MCF2: variants seen among roughly 807,000 people sequenced by gnomAD.
MCF2 encodes the protein proto-oncogene DBL.
A neutral mutation model predicts 82.5 loss-of-function variants in MCF2; 44 were observed. The observed-to-expected ratio is 0.53, with a 90% CI of 0.42 to 0.69. The LOEUF (loss-of-function observed/expected upper bound fraction) is 0.69. Among genes scored for constraint, MCF2 ranks in the 30% least tolerant of loss-of-function variants. The probability of loss-of-function intolerance (pLI) is 0.00; values close to 1 mark genes in which losing one functional copy is unlikely to be tolerated. For missense variants in MCF2, 623 were observed against 663.1 expected, an observed-to-expected ratio of 0.94 and a Z score of 0.66; for synonymous variants, 217 against 224.9, an observed-to-expected ratio of 0.96 and a Z score of 0.32.
At chrX:139,592,004 T>C (rs1216523186) in intron 19 of MCF2, among the ~76,000 whole-genome samples, 1 of 111,080 alleles carries the variant, frequency 9.0e-6, no homozygotes, top group Non-Finnish European at 1.9e-5. Flanking sequence ...AATAACACAT[T>C]GACTAGGAAT....
upstream of MCF2, chrX:139,642,960 A>G (rs1221486584): frequency 1.2e-5 from 4 of 334,125 alleles, no homozygotes. Flanking sequence ...ATCTTTGTGA[A>G]GGTAGTATTA....
At chrX:139,664,644 G>A (rs1211284286) in intron 1 of MCF2, among the ~76,000 whole-genome samples, 3 of 112,608 alleles carry the variant, frequency 2.7e-5, no homozygotes, top group Non-Finnish European at 5.6e-5. Context: ...GACCGCATGA[G>A]CCCTCTTGGT....
rs765310342 is a variant in MCF2, at chrX:139,604,868, C to T, written c.1673+1G>A. 1 of 1,126,502 alleles carries T rather than the reference C, an allele frequency of 8.9e-7. No individual in the cohort carries two copies. Among genetic ancestry groups the T allele is most frequent in the African/African-American group, 1.8e-5 (1 of 55,398 alleles). The allele number at this position is 1,126,502 out of a possible 1,213,427, so 92.8% of individuals were successfully genotyped here. On this transcript the variant is annotated splice_donor_variant, in intron 14 of 24. Coordinates refer to ENST00000370576, the Ensembl canonical transcript of MCF2. LOFTEE classifies it high-confidence loss of function. ...AAATATTCAATTCAGCAATTACATA[C>T]TCGTTATGGAATTCATATATTTCTG...
intron 1 of MCF2, chrX:139,692,065 G>A (rs1319779947): frequency 1.7e-6 from 2 of 1,164,520 alleles, no homozygotes; most frequent in African/African-American, 1.8e-5. Context: ...TTCTGGGGCA[G>A]GCCTGGGATC....
chrX:139,704,632 C>T (rs776457802), intron 1 of MCF2, among the ~76,000 whole-genome samples: 31 of 111,327 alleles, frequency 2.8e-4, no homozygotes, highest in African/African-American at 1.0e-3. Context: ...CACAGTCTCA[C>T]TCACAACAGC....
chrX:139,691,853 G>T, intron 1 of MCF2: 2 of 975,476 alleles, frequency 2.1e-6, no homozygotes, highest in Non-Finnish European at 2.9e-6. Flanking sequence ...GGAGGCAGCG[G>T]CTGAGAAGAA....
chrX:139,703,442 A>G (rs1174043776), intron 1 of MCF2, among the ~76,000 whole-genome samples: 1 of 111,830 alleles, frequency 8.9e-6, no homozygotes, highest in Admixed American at 9.5e-5. Context: ...AACAGAGAAA[A>G]TAGGAAAGGA....
rs947858331 is a variant in MCF2 at position 139,656,886 on chromosome X, T to C, written c.-44-5098A>G. On this transcript the variant is annotated intron_variant, in intron 1 of 27. Coordinates refer to the MCF2 transcript ENST00000414978. ...CCTAGATCACCAAACCTGGATCAAG[T>C]CCACATTACAGCATGTTCCTTGTTG... Among the ~76,000 whole-genome samples, 4 of 112,132 alleles carry C rather than the reference T, an allele frequency of 3.6e-5. No individual in the cohort carries two copies. The Admixed American group carries it at 3.8e-4, about 11-fold the overall frequency.
intron 1 of MCF2, among the ~76,000 whole-genome samples, chrX:139,674,682 C>T (rs1024300851): frequency 3.6e-5 from 4 of 111,881 alleles, no homozygotes; most frequent in South Asian, 3.8e-4. Context: ...GAGTTTCTGC[C>T]GAGAGATCTG....
chrX:139,626,161 A>G, intron 6 of MCF2, 32 bp downstream of exon 9: 1 of 948,306 alleles, frequency 1.1e-6, no homozygotes, highest in Non-Finnish European at 1.5e-6. Flanking sequence ...GGTGTAATGA[A>G]AAAAGGTATA....
chrX:139,695,966 G>A (rs1296506596), intron 1 of MCF2, among the ~76,000 whole-genome samples: 2 of 111,888 alleles, frequency 1.8e-5, no homozygotes, highest in Non-Finnish European at 3.8e-5. Context: ...GGTTTTTCAG[G>A]TCTGAAGAAA....
In MCF2 at chrX:139,653,531, T is replaced by C. The variant is rs1420486411; in HGVS notation, c.-44-1743A>G. ...GAAACTATGTCCACTTACTCTACAA[T>C]TTAAGCACTCATGTAATGAGAGAGG... On this transcript the variant is annotated intron_variant, in intron 1 of 27. Coordinates refer to the MCF2 transcript ENST00000414978. 2.7e-5 allele frequency among the ~76,000 whole-genome samples: 3 copies of C among 110,785 alleles called. No individual in the cohort carries two copies. In the Admixed American group the frequency reaches 2.9e-4, roughly 11 times the overall value.
chrX:139,617,452 G>T, intron 8 of MCF2, 61 bp downstream of exon 11: 2 of 960,802 alleles, frequency 2.1e-6, no homozygotes, highest in Non-Finnish European at 2.8e-6. Context: ...CTTCAGGCTA[G>T]CAGGACCTGG....
rs1271529598 is a variant in MCF2 at position 139,607,870 on chromosome X, T to A, written c.1402-91A>T. On this transcript the variant is annotated intron_variant, in intron 11 of 24. Transcript: ENST00000370576. ...CAGCTCAAATTAAGTTTATTCTAGG[T>A]CCTAACTCTGAAGATAAATTGAAAA... The A allele has an allele frequency of 9.4e-6, 5 of 534,409 alleles. No homozygotes were observed. The South Asian group carries it at 1.0e-4, about 11-fold the overall frequency. The allele number at this position is 534,409 out of a possible 1,213,427, so 44.0% of individuals were successfully genotyped here.
chrX:139,626,619 T>C lies in MCF2; in HGVS notation c.572+4A>G. ...TAACTCTAAACCAAAAAGAGAGTAC[T>C]CACTTATTAATAGTTTGCCAGTCAC... On this transcript the variant is annotated splice_donor_region_variant and intron_variant, in intron 5 of 24. Transcript: ENST00000370576. The C allele has an allele frequency of 8.3e-7, 1 of 1,204,709 alleles. No individual in the cohort carries two copies. The highest frequency in any genetic ancestry group is 1.1e-6 in the Non-Finnish European group (1 of 890,850).
At chrX:139,635,136 C>T (rs1933128546) in intron 1 of MCF2, among the ~76,000 whole-genome samples, 1 of 110,561 alleles carries the variant, frequency 9.0e-6, no homozygotes, top group Non-Finnish European at 1.9e-5. Flanking sequence ...CCAAAGAAGT[C>T]CTGCCCTAGA....
At chrX:139,596,295 G>C (rs1213019879) in intron 19 of MCF2, among the ~76,000 whole-genome samples, 1 of 111,185 alleles carries the variant, frequency 9.0e-6, no homozygotes, top group African/African-American at 3.3e-5. Context: ...GGACGCTAGG[G>C]AGCCCCCTTG....
chrX:139,677,198 C>T (rs1307573595), intron 1 of MCF2, among the ~76,000 whole-genome samples: 1 of 111,572 alleles, frequency 9.0e-6, no homozygotes, highest in African/African-American at 3.3e-5. Context: ...TGCTCCCCTC[C>T]CAAGTGCTAG....
intron 1 of MCF2, among the ~76,000 whole-genome samples, chrX:139,697,396 T>C (rs756209220): frequency 2.7e-5 from 3 of 112,086 alleles, no homozygotes; most frequent in Non-Finnish European, 3.8e-5. Context: ...ATCCACCCAC[T>C]AGATTTTTCA....
Sources: allele counts gnomAD v4.1 joint callset (sites outside exome capture counted in the v4.1 genomes callset), GRCh38; gene constraint gnomAD v4.1.1; transcripts MANE v1.5; gene names NCBI Gene and HGNC (gene_info 2026-07-23, HGNC 2026-07-21).